The following DLK1 variants were observed in gnomAD, a reference collection of about 807,000 sequenced individuals.
The protein encoded by DLK1 is delta like non-canonical Notch ligand 1.
A neutral mutation model predicts 35.2 loss-of-function variants in DLK1; 9 were observed. The ratio of observed to expected loss-of-function variants is 0.26; its 90% CI spans 0.15 to 0.45. The LOEUF is 0.45. Ranked by LOEUF, DLK1 falls within the 20% of genes least tolerant of loss-of-function variation. The probability of loss-of-function intolerance (pLI) is 1.00; values close to 1 mark genes in which losing one functional copy is unlikely to be tolerated. For missense variants in DLK1, 522 were observed against 528.5 expected (o/e 0.99, Z 0.12); for synonymous variants, 231 against 228.4 (o/e 1.01, Z -0.10).
Position 100,735,056 on chromosome 14 carries a change from G to A in DLK1, c.*160G>A. Reference sequence around the variant, plus strand: ...TGTGCTGCTGTGTGACAAACGCAATGCAAAAACAATCCTCTTTCTCTCTCT... The same window carrying A: ...TGTGCTGCTGTGTGACAAACGCAATACAAAAACAATCCTCTTTCTCTCTCT... On this transcript the variant is annotated 3_prime_UTR_variant, in exon 5 of 5. Coordinates refer to ENST00000341267, the MANE Select transcript of DLK1 (RefSeq NM_003836.7). 1 of 872,096 alleles carries A rather than the reference G, an allele frequency of 1.1e-6. No homozygotes were observed. The highest frequency in any genetic ancestry group is 1.6e-6 in the Non-Finnish European group (1 of 612,014). 54.0% of individuals were successfully genotyped at this position (872,096 alleles called of 1,614,324 possible). A position where few individuals can be genotyped will look rare whatever the true frequency, so the allele number is the denominator to read the frequency against.
At chr14:100,731,498 A>G (rs1246216206) in intron 3 of DLK1, among the ~76,000 whole-genome samples, 1 of 152,116 alleles carries the variant, frequency 6.6e-6, no homozygotes, top group African/African-American at 2.4e-5. Context: ...GCTGGGGTTA[A>G]CAGGTTTCTT....
chr14:100,729,390 G>A (rs1031918273), intron 3 of DLK1, among the ~76,000 whole-genome samples: 3 of 152,098 alleles, frequency 2.0e-5, no homozygotes, highest in Non-Finnish European at 4.4e-5. Flanking sequence ...CAGACCCCAG[G>A]CTGCCTGTCC....
In DLK1 at chr14:100,734,169, G is replaced by C; in HGVS notation, c.425G>C (p.Gly142Ala). The C allele has an allele frequency of 6.2e-7, 1 of 1,609,488 alleles. No homozygotes were observed. Among genetic ancestry groups the C allele is most frequent in the Non-Finnish European group, 8.5e-7 (1 of 1,178,114 alleles). Residue 142 changes from glycine (G) to alanine (A), a missense_variant, in exon 5 of 5, where the codon GGC (glycine) becomes GCC (alanine). Transcript: ENST00000341267. This position sits in a 1 kb window ranked among gnomAD's most constrained non-coding sequence, Gnocchi z 7.4. ...VINGSPCQHGGTCVDDEGRAS... is the reference protein window; with the variant it reads ...VINGSPCQHGATCVDDEGRAS... ...TGCAGCTCCCCCTGCCAGCACGGAG[G>C]CACCTGCGTGGATGATGAGGGCCGG...
rs772974652 is a variant in DLK1 at position 100,729,034 on chromosome 14, C to T, written c.230C>T (p.Thr77Ile). The T allele has an allele frequency of 7.4e-6, 12 of 1,613,970 alleles. No individual in the cohort carries two copies. The South Asian group carries it at 1.2e-4, about 16-fold the overall frequency. The change falls in exon 3 of 5, where the codon ACC becomes ATC. Residue 77 changes from threonine (T) to isoleucine (I), a missense_variant. By Grantham distance (89) the Thr-to-Ile change is moderately conservative (BLOSUM62 -1). Transcript: ENST00000341267. ...LCGEPGQCIC[T>I]DGWDGELCDR... ...GGAGAACCCGGGCAGTGCATTTGCA[C>T]CGACGGCTGGGACGGGGAGCTCTGT...
intron 2 of DLK1, 195 bp downstream of exon 2, chr14:100,728,654 C>T (rs1242179206): frequency 1.1e-5 from 4 of 378,304 alleles, no homozygotes; most frequent in South Asian, 3.8e-5. Context: ...CTCCTGTCTG[C>T]GTTCTCAGAG....
chr14:100,729,231 C>A, intron 3 of DLK1, 165 bp downstream of exon 3: 4 of 1,227,154 alleles, frequency 3.3e-6, no homozygotes, highest in Non-Finnish European at 4.6e-6. Flanking sequence ...CTGTGGGTAC[C>A]GAATGCCTCC....
chr14:100,729,077 G>C lies in DLK1; in HGVS notation c.262+11G>C. ...AGCTCTGTGATAGAGGTTGGCACTC[G>C]CCTTTGTTCACCTCAGCTCTGCGTC... On this transcript the variant is annotated intron_variant, in intron 3 of 4. Transcript: ENST00000341267. 1 of 1,613,272 alleles carries C rather than the reference G, an allele frequency of 6.2e-7. No homozygotes were observed. Among genetic ancestry groups the C allele is most frequent in the Non-Finnish European group, 8.5e-7 (1 of 1,180,042 alleles).
At position 100,735,147 on chromosome 14, in the gene DLK1, A is replaced by G; in HGVS notation, c.*251A>G. On this transcript the variant is annotated 3_prime_UTR_variant, in exon 5 of 5. Coordinates refer to ENST00000341267, the MANE Select transcript of DLK1 (RefSeq NM_003836.7). ...AATGAGTAAGAGAAATAAGTATGTT[A>G]TTCTAAAATCTAAACTCAAATGAAA... is the stretch of plus-strand genomic sequence containing the variant. 2.6e-6 allele frequency: 1 copy of G among 386,546 alleles called. No individual in the cohort carries two copies. Among genetic ancestry groups the G allele is most frequent in the Non-Finnish European group, 4.4e-6 (1 of 226,644 alleles). 23.9% of individuals were successfully genotyped at this position (386,546 alleles called of 1,614,324 possible). A position where few individuals can be genotyped will look rare whatever the true frequency, so the allele number is the denominator to read the frequency against.
At chr14:100,728,905 T>C (rs1201886651) in intron 2 of DLK1, 31 bp from the exon 3 acceptor site, 2 of 1,610,038 alleles carry the variant, frequency 1.2e-6, no homozygotes, top group African/African-American at 2.7e-5. Flanking sequence ...CCTCTTCATA[T>C]GTCCCCACCT....
At chr14:100,731,274 T>TC (rs1400445977) in intron 3 of DLK1, among the ~76,000 whole-genome samples, 1 of 152,158 alleles carries the variant, frequency 6.6e-6, no homozygotes, top group Non-Finnish European at 1.5e-5. Context: ...GTTCAGCTCA[T>TC]CCCTGGCTTG....
intron 3 of DLK1, among the ~76,000 whole-genome samples, chr14:100,730,695 T>A (rs1286968655): frequency 6.6e-6 from 1 of 152,162 alleles, no homozygotes; most frequent in Admixed American, 6.5e-5. Context: ...AGATTCTGAG[T>A]GACAGGAGAG....
chr14:100,728,255 G>A (rs1303439715), intron 1 of DLK1, 141 bp from the exon 2 acceptor site: 2 of 787,968 alleles, frequency 2.5e-6, no homozygotes, highest in East Asian at 5.3e-5. Context: ...GATAGGAAGT[G>A]CCTACTGTGT....
intron 3 of DLK1, among the ~76,000 whole-genome samples, chr14:100,730,597 G>T (rs1217782547): frequency 6.6e-6 from 1 of 152,230 alleles, no homozygotes; most frequent in Non-Finnish European, 1.5e-5. Context: ...GGGGTTGGAG[G>T]CTCAGGAGGG....
At chr14:100,727,168 T>C in intron 1 of DLK1, 33 bp downstream of exon 1, 1 of 1,532,360 alleles carries the variant, frequency 6.5e-7, no homozygotes, top group South Asian at 1.2e-5. Context: ...TCGCGCCCCC[T>C]CTGGGGAAGC....
In DLK1 at chr14:100,737,568, C is replaced by G. The variant is rs2036587878; in HGVS notation, c.*2672C>G. On this transcript the variant is annotated 3_prime_UTR_variant, in exon 5 of 5. Transcript: ENST00000341267. Reference sequence around the variant, plus strand: ...CCATTCATTTGTTCACCGTCCACAACCCATCTGATCAGGAAGCATTTCCAG... The same window carrying G: ...CCATTCATTTGTTCACCGTCCACAAGCCATCTGATCAGGAAGCATTTCCAG... 6.6e-6 allele frequency: 1 copy of G among 152,336 alleles called. No individual in the cohort carries two copies. The highest frequency in any genetic ancestry group is 2.1e-4 in the South Asian group (1 of 4,820). 9.4% of individuals were successfully genotyped at this position (152,336 alleles called of 1,614,324 possible). A position where few individuals can be genotyped will look rare whatever the true frequency, so the allele number is the denominator to read the frequency against.
chr14:100,727,142 T>G lies in DLK1; in HGVS notation c.67+7T>G. On this transcript the variant is annotated splice_region_variant and intron_variant, in intron 1 of 4. Coordinates refer to ENST00000341267, the MANE Select transcript of DLK1 (RefSeq NM_003836.7). ...TTCGGCCACAGCACCTATGGTGAGT[T>G]CCCCGGCGGCCCGGCTCGCGCCCCC... 6.4e-7 allele frequency: 1 copy of G among 1,574,618 alleles called. No individual in the cohort carries two copies. Among genetic ancestry groups the G allele is most frequent in the Non-Finnish European group, 8.6e-7 (1 of 1,160,362 alleles).
Position 100,726,988 on chromosome 14 carries a change from G to C in DLK1, c.-81G>C, listed in dbSNP as rs2036441173. On this transcript the variant is annotated 5_prime_UTR_variant, in exon 1 of 5. Coordinates refer to ENST00000341267, the MANE Select transcript of DLK1 (RefSeq NM_003836.7). This position sits in a 1 kb window ranked among gnomAD's most constrained non-coding sequence, Gnocchi z 4.2. ...CGCGCCCGCGCCCCCTTTCGCGTCC[G>C]CAACCAGAAGCCCAGTGCGGCGCCA... 7.3e-7 allele frequency: 1 copy of C among 1,364,340 alleles called. No individual in the cohort carries two copies. 84.5% of individuals were successfully genotyped at this position (1,364,340 alleles called of 1,614,324 possible). A position where few individuals can be genotyped will look rare whatever the true frequency, so the allele number is the denominator to read the frequency against.
rs2036574723 is a variant in DLK1, at chr14:100,736,613, TG to T, written c.*1719del. 6.6e-6 allele frequency: 1 copy of T among 152,334 alleles called. No individual in the cohort carries two copies. The highest frequency in any genetic ancestry group is 1.5e-5 in the Non-Finnish European group (1 of 68,340). The allele number at this position is 152,334 out of a possible 1,614,324, so 9.4% of individuals were successfully genotyped here. On this transcript the variant is annotated 3_prime_UTR_variant, in exon 5 of 5. Transcript: ENST00000341267. The stretch of plus-strand genomic sequence containing the variant: ...CACCCCACTCTCCCCACCAAGCCAT[TG>T]GTCTCCTCACTCCCGGTCCTTTGTC...
rs1443534513 is a variant in DLK1 at position 100,736,923 on chromosome 14, T to TATCACCCCCACCTTTCCC, written c.*2028_*2045dup. On this transcript the variant is annotated 3_prime_UTR_variant, in exon 5 of 5. Coordinates refer to ENST00000341267, the MANE Select transcript of DLK1 (RefSeq NM_003836.7). Reference sequence around the variant, plus strand: ...TCCTGTTAGCCCACCCCTCCTTTCCTATCACCCCCACCTTTCCCTTCCCAT... The same window carrying TATCACCCCCACCTTTCCC: ...TCCTGTTAGCCCACCCCTCCTTTCCTATCACCCCCACCTTTCCCATCACCCCCACCTTTCCCTTCCCAT... 2.4e-5 allele frequency: 2 copies of TATCACCCCCACCTTTCCC among 82,412 alleles called. No homozygotes were observed. Among genetic ancestry groups the TATCACCCCCACCTTTCCC allele is most frequent in the African/African-American group, 9.7e-5 (2 of 20,584 alleles). 5.1% of individuals were successfully genotyped at this position (82,412 alleles called of 1,614,324 possible). A position where few individuals can be genotyped will look rare whatever the true frequency, so the allele number is the denominator to read the frequency against.
Sources: allele counts gnomAD v4.1 joint callset (sites outside exome capture counted in the v4.1 genomes callset), GRCh38; gene constraint gnomAD v4.1.1; non-coding constraint Gnocchi (gnomAD v3.1); transcripts MANE v1.5; gene names NCBI Gene and HGNC (gene_info 2026-07-23, HGNC 2026-07-21).